The following SMG5 variants were observed in gnomAD, a reference collection of about 807,000 sequenced individuals.
The protein encoded by SMG5 is SMG5 nonsense mediated mRNA decay factor, also known as nonsense-mediated mRNA decay factor SMG5.
A neutral mutation model predicts 122.9 loss-of-function variants in SMG5; 53 were observed. The observed-to-expected ratio is 0.43, with a 90% CI of 0.35 to 0.54. SMG5 has a LOEUF of 0.54. Ranked by LOEUF, SMG5 falls within the 20% of genes least tolerant of loss-of-function variation. SMG5 has a pLI of 0.01. For synonymous variants in SMG5, 477 were observed against 490.2 expected (o/e 0.97, Z 0.35); for missense variants, 1,153 against 1,285.6 (o/e 0.90, Z 1.58).
In SMG5 at chr1:156,263,621, C is replaced by T. The variant is rs2103223177; in HGVS notation, c.1856-51G>A. Reference sequence around the variant, plus strand: ...AAAAAACTGGGATAAACAACTGACACTTGGGAACAGGCCTCAGCTCTGTGC... The same window carrying T: ...AAAAAACTGGGATAAACAACTGACATTTGGGAACAGGCCTCAGCTCTGTGC... On this transcript the variant is annotated intron_variant, in intron 12 of 21. Coordinates refer to ENST00000361813, the MANE Select transcript of SMG5 (RefSeq NM_015327.3). 3 of 1,586,170 alleles carry T rather than the reference C, an allele frequency of 1.9e-6. No individual in the cohort carries two copies. In the East Asian group the frequency reaches 6.7e-5, roughly 36 times the overall value.
chr1:156,263,751 C>T (rs563524274), intron 12 of SMG5, among the ~76,000 whole-genome samples, 181 bp from the exon 13 acceptor site: 13 of 152,192 alleles, frequency 8.5e-5, no homozygotes, highest in Non-Finnish European at 1.5e-4. Context: ...GGCCCACTAA[C>T]TGTTGTTGTT....
chr1:156,269,338 C>T (rs560264815), intron 7 of SMG5, among the ~76,000 whole-genome samples: 41 of 152,256 alleles, frequency 2.7e-4, no homozygotes, highest in South Asian at 1.9e-3. Context: ...TGGCCTTAAA[C>T]TCCTGGACTC....
Position 156,282,785 on chromosome 1 carries a change from C to A in SMG5, c.-105G>T. ...TAGCCGCAGCCGCCGCCGCCACCGGCCCTGCTCGGCCGCCATCGCTGTGAG... is the reference window on the plus strand; with the variant it reads ...TAGCCGCAGCCGCCGCCGCCACCGGACCTGCTCGGCCGCCATCGCTGTGAG... On this transcript the variant is annotated 5_prime_UTR_variant, in exon 1 of 22. Coordinates refer to ENST00000361813, the MANE Select transcript of SMG5 (RefSeq NM_015327.3). 7.9e-7 allele frequency: 1 copy of A among 1,259,470 alleles called. No individual in the cohort carries two copies. The highest frequency in any genetic ancestry group is 1.1e-6 in the Non-Finnish European group (1 of 933,692). 78.0% of individuals were successfully genotyped at this position (1,259,470 alleles called of 1,614,324 possible).
Position 156,250,575 on chromosome 1 carries a change from T to A in SMG5, c.*12A>T. On this transcript the variant is annotated 3_prime_UTR_variant, in exon 22 of 22. Coordinates refer to ENST00000361813, the MANE Select transcript of SMG5 (RefSeq NM_015327.3). Reference sequence around the variant, plus strand: ...CTGGAGTCAGCCCCACTGCAGGGCCTGGGGGTCAGTATCAACCAATTTCCT... The same window carrying A: ...CTGGAGTCAGCCCCACTGCAGGGCCAGGGGGTCAGTATCAACCAATTTCCT... 1 of 1,612,964 alleles carries A rather than the reference T, an allele frequency of 6.2e-7. No individual in the cohort carries two copies.
intron 14 of SMG5, among the ~76,000 whole-genome samples, 164 bp downstream of exon 14, chr1:156,261,169 C>A (rs1183681300): frequency 6.6e-6 from 1 of 152,194 alleles, no homozygotes; most frequent in Non-Finnish European, 1.5e-5. Context: ...TGGTGGGAAA[C>A]CGGAGAGGCC....
Position 156,252,951 on chromosome 1 carries a change from C to T in SMG5, c.2630G>A (p.Ser877Asn). 4 of 1,612,234 alleles carry T rather than the reference C, an allele frequency of 2.5e-6. No individual in the cohort carries two copies. Among genetic ancestry groups the T allele is most frequent in the South Asian group, 1.1e-5 (1 of 90,536 alleles). Reference sequence around the variant, plus strand: ...TGGGATGATGACAATGAAGCGGCCACTGGTGGCCAGTTGGCGGATGACAGG... The same window carrying T: ...TGGGATGATGACAATGAAGCGGCCATTGGTGGCCAGTTGGCGGATGACAGG... Reference protein sequence around the residue: ...HLPVIRQLATSGRFIVIIPRT... With the variant: ...HLPVIRQLATNGRFIVIIPRT... The change falls in exon 18 of 22, where the codon AGT (serine) becomes AAT (asparagine). Residue 877 changes from serine to asparagine, a missense_variant. Around this residue, in one of 5 missense-constraint regions of SMG5, gnomAD observed 140 missense variants for 227.8 expected, o/e 0.61. Transcript: ENST00000361813.
At chr1:156,286,101 AC>A, upstream of SMG5, 3 of 1,448,174 alleles carry the variant, frequency 2.1e-6, no homozygotes, top group African/African-American at 1.4e-5. Flanking sequence ...AGGGTCTCCC[AC>A]CCCCTGCCAG....
At chr1:156,264,267 C>CAAAAAAAAAAAAAAA (rs1205363773) in intron 12 of SMG5, among the ~76,000 whole-genome samples, 7 of 53,978 alleles carry the variant, frequency 1.3e-4, no homozygotes, top group African/African-American at 4.9e-4. Flanking sequence ...GACTCCGTCT[C>CAAAAAAAAAAAAAAA]AAAAAAAAAA....
rs1553293436 is a variant in SMG5 at position 156,265,072 on chromosome 1, C to CACACACACACACACAA, written c.1855+708_1855+709insTTGTGTGTGTGTGTGT. ...ACACACACACACACACACACACACA[C>CACACACACACACACAA]AAAAGCCGGGCATGGTAGTGCATGC... is the stretch of plus-strand genomic sequence containing the variant. On this transcript the variant is annotated intron_variant, in intron 12 of 21. Transcript: ENST00000361813. 3.4e-5 allele frequency among the ~76,000 whole-genome samples: 5 copies of CACACACACACACACAA among 147,848 alleles called. No individual in the cohort carries two copies. The East Asian group carries it at 8.0e-4, about 24-fold the overall frequency.
Position 156,282,630 on chromosome 1 carries a change from G to T in SMG5, c.51C>A (p.Val17=). The change falls in exon 1 of 22, where the codon GTC becomes GTA. Residue 17 remains valine, a synonymous_variant. Transcript: ENST00000361813. ...TGESSEPEAK[V]LHTKRLYRAV... ...ACCGGTAAAGCCGCTTAGTGTGGAG[G>T]ACTTTTGCTTCGGGCTCGCTGCTCT... 6.2e-7 allele frequency: 1 copy of T among 1,609,022 alleles called. No homozygotes were observed.
At position 156,260,559 on chromosome 1, in the gene SMG5, G is replaced by C; in HGVS notation, c.2175C>G (p.Ser725Arg). ...GAGCCATGTCCTCTGGGAGCAGAAGGCTAGAGGGGAGGTCAGGCAGTTCAC... is the reference window on the plus strand; with the variant it reads ...GAGCCATGTCCTCTGGGAGCAGAAGCCTAGAGGGGAGGTCAGGCAGTTCAC... ...EGCELPDLPS[S>R]LLLPEDMALR... is the part of the protein sequence containing the mutation. The change falls in exon 15 of 22, where the codon AGC (serine) becomes AGG (arginine). Residue 725 changes from serine (S) to arginine (R), a missense_variant. Physicochemically the swap from Ser to Arg is moderately radical, Grantham distance 110. Transcript: ENST00000361813. The C allele has an allele frequency of 6.4e-7, 1 of 1,556,720 alleles. No homozygotes were observed. The highest frequency in any genetic ancestry group is 8.6e-7 in the Non-Finnish European group (1 of 1,157,814).
At chr1:156,285,544 A>T, upstream of SMG5, 5 of 1,614,182 alleles carry the variant, frequency 3.1e-6, no homozygotes, top group Non-Finnish European at 4.2e-6. Flanking sequence ...AGTCAGAACC[A>T]CTTACCAAGC....
rs1428616014 is a variant in SMG5 at position 156,273,347 on chromosome 1, T to C, written c.634+14A>G. ...CCCTACTGGATTCAGAGGCCCAAGT[T>C]GGGGACAACTTACCAATCTGAGGAG... On this transcript the variant is annotated intron_variant, in intron 6 of 21. Transcript: ENST00000361813. 1.5e-5 allele frequency: 24 copies of C among 1,611,664 alleles called. No homozygotes were observed. Among genetic ancestry groups the C allele is most frequent in the Non-Finnish European group, 1.9e-5 (22 of 1,178,784 alleles).
chr1:156,279,185 AAC>A (rs1662823470), intron 1 of SMG5, 151 bp from the exon 2 acceptor site: 1 of 679,904 alleles, frequency 1.5e-6, no homozygotes, highest in Non-Finnish European at 2.6e-6. Flanking sequence ...AAACAAGATG[AAC>A]ACAGTCTCCA....
Position 156,267,473 on chromosome 1 carries a change from C to T in SMG5, c.1114G>A (p.Ala372Thr), listed in dbSNP as rs1314631334. ...CLMCVHSLER[A>T]GSKQYSAAIA... ...AGAGGAACATAGGGAAGGTTACCTG[C>T]TCTCTCCAAGCTGTGCACACACATA... is the stretch of plus-strand genomic sequence containing the variant. The change falls in exon 10 of 22, where the codon GCA (alanine) becomes ACA (threonine). Residue 372 changes from alanine (A) to threonine (T), a missense_variant. By Grantham distance (58) the Ala-to-Thr change is moderately conservative. Transcript: ENST00000361813. The T allele has an allele frequency of 1.9e-6, 3 of 1,614,070 alleles. No homozygotes were observed. Among genetic ancestry groups the T allele is most frequent in the Admixed American group, 3.3e-5 (2 of 60,012 alleles).
At chr1:156,251,284 C>T (rs972025396) in intron 20 of SMG5, 119 bp downstream of exon 20, 1 of 1,212,090 alleles carries the variant, frequency 8.3e-7, no homozygotes, top group Non-Finnish European at 1.2e-6. Context: ...GCAGGAGGGC[C>T]CTGGCAGGCT....
chr1:156,276,004 T>C (rs1406905112), intron 4 of SMG5, among the ~76,000 whole-genome samples: 1 of 151,574 alleles, frequency 6.6e-6, no homozygotes, highest in Non-Finnish European at 1.5e-5. Context: ...AGAGATGATG[T>C]AGGATCTCAC....
chr1:156,257,960 T>G lies in SMG5; in HGVS notation c.2442+1045A>C, dbSNP rs181788614. On this transcript the variant is annotated intron_variant, in intron 16 of 21. Coordinates refer to ENST00000361813, the MANE Select transcript of SMG5 (RefSeq NM_015327.3). ...GTGTTGGGAAACATGCCCAAGGCTGTGCAGGCCCCACTGTGAAAACCAGAT... is the reference window on the plus strand; with the variant it reads ...GTGTTGGGAAACATGCCCAAGGCTGGGCAGGCCCCACTGTGAAAACCAGAT... Among the ~76,000 whole-genome samples, 388 of 152,354 alleles carry G rather than the reference T, an allele frequency of 2.5e-3. 3 individuals are homozygous for G. Among genetic ancestry groups the G allele is most frequent in the African/African-American group, 9.1e-3 (377 of 41,586 alleles).
At chr1:156,266,474 T>C in intron 11 of SMG5, 67 bp downstream of exon 11, 3 of 1,609,916 alleles carry the variant, frequency 1.9e-6, no homozygotes. Context: ...CGAGTCTGTG[T>C]TCCTTTCCTT....
Sources: gnomAD v4.1 joint callset for allele counts (sites outside exome capture counted in the v4.1 genomes callset) on GRCh38, gnomAD v4.1.1 for gene constraint, gnomAD v4.1.1 regional missense constraint, MANE v1.5 for transcripts, NCBI Gene and HGNC (gene_info 2026-07-23, HGNC 2026-07-21) for gene names.